The following TSC22D3 variants were observed in gnomAD, a reference collection of about 807,000 sequenced individuals.
TSC22D3 encodes TSC22 domain family protein 3.
A neutral mutation model predicts 11.1 loss-of-function variants in TSC22D3; 4 were observed. The observed-to-expected ratio is 0.36, with a 90% CI of 0.18 to 0.83. The LOEUF (loss-of-function observed/expected upper bound fraction) is 0.83, where lower values mean the gene tolerates loss of function less well. Among genes scored for constraint, TSC22D3 ranks in the 40% least tolerant of loss-of-function variants. TSC22D3 has a pLI of 0.48. For synonymous variants in TSC22D3, 77 were observed against 70.3 expected (o/e 1.10, Z -0.48); for missense variants, 118 against 159.4 (o/e 0.74, Z 1.40).
chrX:107,759,969 C>T (rs1003738069), intron 1 of TSC22D3, among the ~76,000 whole-genome samples: 2 of 112,467 alleles, frequency 1.8e-5, no homozygotes, highest in African/African-American at 3.2e-5. Flanking sequence ...AAGCCTGGAG[C>T]TCCTGGGGCA....
chrX:107,716,732 G>A, intron 1 of TSC22D3: 1 of 1,207,820 alleles, frequency 8.3e-7, no homozygotes, highest in Non-Finnish European at 1.1e-6. Flanking sequence ...TCCAAGCAGA[G>A]AAGAGAAGAA....
chrX:107,720,310 C>T (rs1485475722), intron 1 of TSC22D3, among the ~76,000 whole-genome samples: 1 of 111,804 alleles, frequency 8.9e-6, no homozygotes, highest in Non-Finnish European at 1.9e-5. Context: ...CACCCTGAGA[C>T]CTTATGATCC....
At chrX:107,741,654 C>G (rs1343815825) in intron 1 of TSC22D3, among the ~76,000 whole-genome samples, 2 of 112,315 alleles carry the variant, frequency 1.8e-5, no homozygotes, top group African/African-American at 6.5e-5. Context: ...ACGCAGCAGC[C>G]CCTTGCTCAG....
intron 1 of TSC22D3, among the ~76,000 whole-genome samples, chrX:107,749,799 G>A (rs773183332): frequency 9.0e-6 from 1 of 111,398 alleles, no homozygotes; most frequent in South Asian, 3.8e-4. Flanking sequence ...CATCTCCAGG[G>A]GGCAGCCACA....
chrX:107,718,401 C>T (rs1352836190), intron 1 of TSC22D3, among the ~76,000 whole-genome samples: 1 of 112,792 alleles, frequency 8.9e-6, no homozygotes, highest in Non-Finnish European at 1.9e-5. Flanking sequence ...AGGCCAGTAC[C>T]CATGAATCAG....
intron 1 of TSC22D3, among the ~76,000 whole-genome samples, chrX:107,730,460 C>T (rs747809767): frequency 9.0e-6 from 1 of 111,599 alleles, no homozygotes; most frequent in South Asian, 3.8e-4. Flanking sequence ...TTTGGTGGGG[C>T]CTGTTTCTTT....
intron 1 of TSC22D3, among the ~76,000 whole-genome samples, chrX:107,753,691 T>C (rs952916795): frequency 4.9e-4 from 55 of 111,532 alleles, no homozygotes; most frequent in African/African-American, 1.7e-3. Context: ...CACACAGAAA[T>C]GACTTCAGTA....
intron 1 of TSC22D3, among the ~76,000 whole-genome samples, chrX:107,763,768 A>G (rs1602416361): frequency 8.9e-6 from 1 of 112,498 alleles, no homozygotes; most frequent in East Asian, 2.8e-4. Context: ...TACCCACTTT[A>G]TCACTGGTCC....
In TSC22D3 at chrX:107,743,675, C is replaced by T. The variant is rs770176626; in HGVS notation, c.321-27725G>A. 4.5e-5 allele frequency among the ~76,000 whole-genome samples: 5 copies of T among 112,286 alleles called. No individual in the cohort carries two copies. The East Asian group carries it at 1.4e-3, about 32-fold the overall frequency. On this transcript the variant is annotated intron_variant, in intron 1 of 2. Transcript: ENST00000372383. The stretch of plus-strand genomic sequence containing the variant: ...TGACACTGCTGGGCCAGGTGGGCAT[C>T]ACATGTAGGGCTCGATGTCAAGCCT...
At chrX:107,721,468 G>A (rs1287836792) in intron 1 of TSC22D3, among the ~76,000 whole-genome samples, 3 of 111,689 alleles carry the variant, frequency 2.7e-5, no homozygotes, top group East Asian at 5.6e-4. Flanking sequence ...GGGCGGGTGC[G>A]GTAGGTTGGG....
intron 1 of TSC22D3, among the ~76,000 whole-genome samples, chrX:107,766,294 C>T (rs910632575): frequency 2.7e-5 from 3 of 111,969 alleles, no homozygotes; most frequent in South Asian, 7.5e-4. Context: ...ATAGGCCAGG[C>T]AGAGAGCTAA....
intron 1 of TSC22D3, among the ~76,000 whole-genome samples, chrX:107,772,683 T>TA (rs201884704): frequency 3.4e-4 from 35 of 103,171 alleles, no homozygotes; most frequent in East Asian, 1.2e-3. Flanking sequence ...CCCGTCCCTA[T>TA]AAAAAAAAAA....
chrX:107,723,514 T>C (rs992136768), intron 1 of TSC22D3, among the ~76,000 whole-genome samples: 2 of 112,434 alleles, frequency 1.8e-5, no homozygotes, highest in African/African-American at 6.5e-5. Flanking sequence ...CCAACAAGCA[T>C]CTTCAGGTAG....
intron 1 of TSC22D3, chrX:107,716,564 T>G: frequency 1.6e-6 from 1 of 629,646 alleles, no homozygotes. Context: ...CCCCGCCCCT[T>G]CCCAGGATGC....
At chrX:107,739,374 A>G (rs1331005505) in intron 1 of TSC22D3, among the ~76,000 whole-genome samples, 1 of 112,740 alleles carries the variant, frequency 8.9e-6, no homozygotes, top group Admixed American at 9.3e-5. Flanking sequence ...ACACGCACAC[A>G]CGCACACACA....
At chrX:107,755,262 G>A (rs1184019060) in intron 1 of TSC22D3, among the ~76,000 whole-genome samples, 1 of 112,805 alleles carries the variant, frequency 8.9e-6, no homozygotes, top group African/African-American at 3.2e-5. Flanking sequence ...ATGTCAGAGA[G>A]CAGAAGTTGT....
At chrX:107,755,356 C>T (rs1275997942) in intron 1 of TSC22D3, among the ~76,000 whole-genome samples, 2 of 111,679 alleles carry the variant, frequency 1.8e-5, no homozygotes, top group Admixed American at 9.5e-5. Flanking sequence ...CTGCTTGAGG[C>T]TTTTGCTAAA....
At chrX:107,773,989 C>A (rs1197566293) in intron 1 of TSC22D3, among the ~76,000 whole-genome samples, 1 of 112,069 alleles carries the variant, frequency 8.9e-6, no homozygotes, top group Non-Finnish European at 1.9e-5. Flanking sequence ...CTAAAAGGAA[C>A]CTTGGAGAGA....
intron 1 of TSC22D3, among the ~76,000 whole-genome samples, chrX:107,739,864 C>CT (rs1384401855): frequency 8.9e-6 from 1 of 112,331 alleles, no homozygotes; most frequent in Non-Finnish European, 1.9e-5. Flanking sequence ...TTTGATCTGT[C>CT]TATGGTTGAT....
Sources: gnomAD v4.1 joint callset for allele counts (sites outside exome capture counted in the v4.1 genomes callset) on GRCh38, gnomAD v4.1.1 for gene constraint, MANE v1.5 for transcripts, NCBI Gene and HGNC (gene_info 2026-07-23, HGNC 2026-07-21) for gene names.